Variants in COL26A1 observed in about 807,000 individuals in gnomAD.
COL26A1 encodes collagen alpha-1(XXVI) chain.
In COL26A1, 41 loss-of-function variants were observed where a neutral mutation model predicts 59.3. The ratio of observed to expected loss-of-function variants is 0.69; its 90% CI spans 0.54 to 0.90. The LOEUF is 0.90. COL26A1 is among the 40% of genes least tolerant of loss of function. The pLI is 0.00. For synonymous variants in COL26A1, 266 were observed against 256.0 expected (o/e 1.04, Z -0.37); for missense variants, 612 against 602.3 (o/e 1.02, Z -0.17).
intron 1 of COL26A1, among the ~76,000 whole-genome samples, chr7:101,370,905 C>G (rs955305583): frequency 6.6e-6 from 1 of 152,072 alleles, no homozygotes; most frequent in East Asian, 1.9e-4. Context: ...AGCCCCTGCA[C>G]CTGTGATTTG....
chr7:101,524,306 C>A (rs1584484897), intron 3 of COL26A1, among the ~76,000 whole-genome samples: 1 of 151,590 alleles, frequency 6.6e-6, no homozygotes, highest in Non-Finnish European at 1.5e-5. Context: ...GCAGTGACAT[C>A]GATGATTAAT....
Position 101,390,575 on chromosome 7 carries a change from AC to A in COL26A1, c.158+27386del, listed in dbSNP as rs370364869. 3.8e-4 allele frequency among the ~76,000 whole-genome samples: 58 copies of A among 152,204 alleles called. 1 individual carries two copies. In the East Asian group the frequency reaches 0.011, roughly 28 times the overall value. Reference sequence around the variant, plus strand: ...TGAGTAGCTGGGACTACAGGCATGCACTACCATGCCTGGCTACTTTTTAAAT... The same window carrying A: ...TGAGTAGCTGGGACTACAGGCATGCATACCATGCCTGGCTACTTTTTAAAT... On this transcript the variant is annotated intron_variant, in intron 1 of 12. Coordinates refer to ENST00000313669, the MANE Select transcript of COL26A1 (RefSeq NM_001278563.3).
chr7:101,423,713 C>T (rs930138929), intron 2 of COL26A1, among the ~76,000 whole-genome samples: 27 of 152,008 alleles, frequency 1.8e-4, no homozygotes, highest in African/African-American at 6.0e-4. Context: ...ACAGCCTGGG[C>T]GACAGAGTGA....
intron 3 of COL26A1, among the ~76,000 whole-genome samples, chr7:101,513,711 C>T (rs920283737): frequency 6.6e-6 from 1 of 152,110 alleles, no homozygotes; most frequent in African/African-American, 2.4e-5. Flanking sequence ...CCCAGCATTG[C>T]CTTTCAGATC....
At chr7:101,405,426 T>G (rs1284222483) in intron 1 of COL26A1, among the ~76,000 whole-genome samples, 1 of 151,906 alleles carries the variant, frequency 6.6e-6, no homozygotes, top group Non-Finnish European at 1.5e-5. Context: ...CTTGGACTCC[T>G]TGGGCTCAAG....
At chr7:101,471,730 C>G (rs1793910848) in intron 3 of COL26A1, among the ~76,000 whole-genome samples, 1 of 151,838 alleles carries the variant, frequency 6.6e-6, no homozygotes, top group South Asian at 2.1e-4. Flanking sequence ...TAGGCACGCA[C>G]CATCGTGCCT....
At chr7:101,413,161 G>A (rs1792283105) in intron 1 of COL26A1, among the ~76,000 whole-genome samples, 1 of 152,214 alleles carries the variant, frequency 6.6e-6, no homozygotes, top group African/African-American at 2.4e-5. Context: ...CCTTGAGCTG[G>A]TGGTGGCTCG....
chr7:101,379,582 C>A (rs1320110872), intron 1 of COL26A1, among the ~76,000 whole-genome samples: 1 of 152,202 alleles, frequency 6.6e-6, no homozygotes, highest in African/African-American at 2.4e-5. Flanking sequence ...GCAGCTACAT[C>A]ATGAATACAG....
At chr7:101,517,549 C>A (rs142558224) in intron 3 of COL26A1, among the ~76,000 whole-genome samples, 1 of 152,128 alleles carries the variant, frequency 6.6e-6, no homozygotes, top group South Asian at 2.1e-4. Context: ...TCAGATCTCG[C>A]GAGACTTACT....
chr7:101,531,735 T>A (rs1795373198), intron 3 of COL26A1, among the ~76,000 whole-genome samples: 1 of 151,168 alleles, frequency 6.6e-6, no homozygotes, highest in South Asian at 2.1e-4. Flanking sequence ...CCGTGGTTTC[T>A]CCCCAAACAT....
chr7:101,466,504 C>T (rs1028432061), intron 3 of COL26A1, among the ~76,000 whole-genome samples: 3 of 152,078 alleles, frequency 2.0e-5, no homozygotes, highest in African/African-American at 7.2e-5. Context: ...GAGTTAGAGA[C>T]TAGCCTGGCC....
intron 3 of COL26A1, among the ~76,000 whole-genome samples, chr7:101,465,665 G>T (rs1584432058): frequency 7.1e-6 from 1 of 140,476 alleles, no homozygotes; most frequent in African/African-American, 2.7e-5. Context: ...TTGCACTCCA[G>T]CCTGGACGAC....
At chr7:101,372,281 C>T (rs1791213463) in intron 1 of COL26A1, among the ~76,000 whole-genome samples, 1 of 151,988 alleles carries the variant, frequency 6.6e-6, no homozygotes, top group South Asian at 2.1e-4. Context: ...TTGTCCTGCC[C>T]CAGCCTCCCA....
chr7:101,475,144 C>T (rs527720762), intron 3 of COL26A1, among the ~76,000 whole-genome samples: 2 of 150,654 alleles, frequency 1.3e-5, no homozygotes, highest in African/African-American at 2.5e-5. Flanking sequence ...GGAGGTGAGC[C>T]GAGATCGCGC....
chr7:101,366,410 G>T (rs1791046519), intron 1 of COL26A1, among the ~76,000 whole-genome samples: 1 of 148,478 alleles, frequency 6.7e-6, no homozygotes. Context: ...AGGCAATGAT[G>T]ACAGGGCTGT....
intron 3 of COL26A1, among the ~76,000 whole-genome samples, chr7:101,517,185 C>T (rs1161516879): frequency 6.6e-6 from 1 of 152,092 alleles, no homozygotes; most frequent in Non-Finnish European, 1.5e-5. Flanking sequence ...CCCAGGCTGC[C>T]AAATGCCACC....
chr7:101,550,725 A>G (rs1795842531), intron 9 of COL26A1, among the ~76,000 whole-genome samples: 1 of 152,050 alleles, frequency 6.6e-6, no homozygotes, highest in Non-Finnish European at 1.5e-5. Context: ...GGACAGCTGG[A>G]CACGGGCCTG....
At chr7:101,456,169 T>TATA (rs1554414262) in intron 3 of COL26A1, among the ~76,000 whole-genome samples, 27,671 of 93,858 alleles carry the variant, frequency 0.29, 3,072 homozygotes, top group Non-Finnish European at 0.37. Context: ...TATATATATA[T>TATA]TTTTTTTTTA....
intron 1 of COL26A1, among the ~76,000 whole-genome samples, chr7:101,363,910 G>A (rs1238235864): frequency 6.6e-6 from 1 of 152,094 alleles, no homozygotes; most frequent in East Asian, 1.9e-4. Flanking sequence ...TCCTATCAGC[G>A]GCCCCAGGAC....
Sources: allele counts gnomAD v4.1 joint callset (sites outside exome capture counted in the v4.1 genomes callset), GRCh38; gene constraint gnomAD v4.1.1; transcripts MANE v1.5; gene names NCBI Gene and HGNC (gene_info 2026-07-23, HGNC 2026-07-21).